IL16: variants seen among roughly 807,000 people sequenced by gnomAD.
IL16 encodes the protein interleukin 16.
Under a neutral mutation model 110.1 loss-of-function variants are expected in IL16, and 67 were observed. The observed-to-expected ratio is 0.61, with a 90% confidence interval of 0.50 to 0.75. The LOEUF (loss-of-function observed/expected upper bound fraction) is 0.75, where lower values mean the gene tolerates loss of function less well. IL16 is among the 30% of genes least tolerant of loss of function. The pLI is 0.00. For missense variants in IL16, 1,545 were observed against 1,655.0 expected, an observed-to-expected ratio of 0.93 and a Z score of 1.15; for synonymous variants, 689 against 662.9, an observed-to-expected ratio of 1.04 and a Z score of -0.61.
chr15:81,207,251 A>AC (rs1428143152), intron 1 of IL16, among the ~76,000 whole-genome samples: 1 of 151,096 alleles, frequency 6.6e-6, no homozygotes, highest in African/African-American at 2.4e-5. Context: ...AAAAACAAAA[A>AC]AAAAAAAAAA....
intron 8 of IL16, among the ~76,000 whole-genome samples, chr15:81,280,817 CTG>C (rs1468768175): frequency 6.6e-6 from 1 of 152,208 alleles, no homozygotes; most frequent in Non-Finnish European, 1.5e-5. Context: ...GCAGACAAGT[CTG>C]TGCTGGCATG....
chr15:81,274,525 A>G (rs897005924), intron 6 of IL16, among the ~76,000 whole-genome samples: 1 of 152,222 alleles, frequency 6.6e-6, no homozygotes, highest in Non-Finnish European at 1.5e-5. Context: ...AAAAGGATGG[A>G]TCATATACAA....
intron 6 of IL16, among the ~76,000 whole-genome samples, chr15:81,277,339 A>T (rs936803645): frequency 2.6e-5 from 4 of 152,250 alleles, no homozygotes; most frequent in African/African-American, 9.6e-5. Context: ...GAACTGACTT[A>T]AGGCATGATA....
chr15:81,290,409 G>C, intron 10 of IL16, 44 bp from the exon 11 acceptor site: 2 of 1,429,382 alleles, frequency 1.4e-6, no homozygotes, highest in Non-Finnish European at 1.9e-6. Context: ...GCCTGATGCA[G>C]GAGCTTCTAC....
chr15:81,243,132 T>G (rs2142107304), intron 2 of IL16, among the ~76,000 whole-genome samples: 1 of 121,530 alleles, frequency 8.2e-6, no homozygotes, highest in African/African-American at 3.0e-5. Context: ...GCTTATATAT[T>G]AGCTATATAA....
At chr15:81,240,273 C>T (rs1447499679) in intron 2 of IL16, among the ~76,000 whole-genome samples, 1 of 152,048 alleles carries the variant, frequency 6.6e-6, no homozygotes, top group Non-Finnish European at 1.5e-5. Flanking sequence ...AGATATTTCC[C>T]CTTTCCCCTC....
intron 16 of IL16, among the ~76,000 whole-genome samples, chr15:81,305,374 T>A (rs911928746): frequency 8.5e-5 from 13 of 152,072 alleles, no homozygotes; most frequent in Non-Finnish European, 1.5e-4. Flanking sequence ...TTTTAAAAAA[T>A]TTTTCTTGGC....
At chr15:81,304,847 A>T (rs1410586121) in intron 16 of IL16, among the ~76,000 whole-genome samples, 1 of 152,220 alleles carries the variant, frequency 6.6e-6, no homozygotes, top group Non-Finnish European at 1.5e-5. Flanking sequence ...AGAAGCAAAG[A>T]GCTTTGCTCC....
At chr15:81,236,292 A>C (rs1385537335) in intron 2 of IL16, among the ~76,000 whole-genome samples, 1 of 152,180 alleles carries the variant, frequency 6.6e-6, no homozygotes, top group Non-Finnish European at 1.5e-5. Flanking sequence ...TGGGAAACCC[A>C]ATCTTTTGGC....
chr15:81,240,033 T>C (rs568543538), intron 2 of IL16, among the ~76,000 whole-genome samples: 2 of 152,336 alleles, frequency 1.3e-5, no homozygotes, highest in South Asian at 4.1e-4. Flanking sequence ...GTCTCTACCA[T>C]CTTGTCCTGG....
intron 2 of IL16, among the ~76,000 whole-genome samples, chr15:81,252,117 T>A (rs1220542480): frequency 1.3e-5 from 2 of 152,190 alleles, no homozygotes; most frequent in African/African-American, 4.8e-5. Context: ...GTTCTGTAAA[T>A]CAATTCTAAA....
chr15:81,279,564 A>C lies in IL16; in HGVS notation c.871A>C (p.Lys291Gln). 2 of 1,610,560 alleles carry C rather than the reference A, an allele frequency of 1.2e-6. No homozygotes were observed. Among genetic ancestry groups the C allele is most frequent in the East Asian group, 4.5e-5 (2 of 44,846 alleles). ...QDALQKFKQA[K>Q]KGLLTLTVRT... ...CCCTCTCTCTTTCTTTCAGCAAGCC[A>C]AAAAGGGGCTCCTCACCCTCACCGT... Residue 291 changes from lysine (K) to glutamine (Q), a missense_variant, in exon 8 of 19, where the codon AAA (lysine) becomes CAA (glutamine). Physicochemically the swap from Lys to Gln is moderately conservative, Grantham distance 53. Coordinates refer to ENST00000683961, the MANE Select transcript of IL16 (RefSeq NM_172217.5).
intron 11 of IL16, 52 bp from the exon 12 acceptor site, chr15:81,292,504 T>G (rs954368457): frequency 1.2e-6 from 2 of 1,612,568 alleles, no homozygotes; most frequent in African/African-American, 1.3e-5. Flanking sequence ...CCAGGGGGTA[T>G]TTCTGTTTTC....
intron 2 of IL16, among the ~76,000 whole-genome samples, chr15:81,258,630 G>A (rs967473925): frequency 2.0e-5 from 3 of 151,736 alleles, no homozygotes; most frequent in Non-Finnish European, 2.9e-5. Context: ...AGCCCAGGAG[G>A]TCAAGGCTGC....
intron 1 of IL16, among the ~76,000 whole-genome samples, chr15:81,205,687 C>T (rs993893911): frequency 9.2e-5 from 14 of 152,032 alleles, no homozygotes; most frequent in Admixed American, 5.9e-4. Flanking sequence ...AAAAGAGACT[C>T]TCAGATTCAG....
chr15:81,299,020 G>A (rs1462532383), intron 13 of IL16, among the ~76,000 whole-genome samples: 2 of 152,238 alleles, frequency 1.3e-5, no homozygotes, highest in African/African-American at 4.8e-5. Flanking sequence ...GCAGTAGAAA[G>A]GACATGAACT....
chr15:81,232,811 C>CT (rs1371264931), intron 2 of IL16, among the ~76,000 whole-genome samples: 5 of 152,146 alleles, frequency 3.3e-5, no homozygotes, highest in Admixed American at 1.3e-4. Context: ...GAGAGATAAC[C>CT]TAAAACTTTC....
chr15:81,285,640 A>C, intron 9 of IL16, 58 bp from the exon 10 acceptor site: 1 of 1,591,836 alleles, frequency 6.3e-7, no homozygotes, highest in Non-Finnish European at 8.6e-7. Context: ...TGGGGCAGTG[A>C]CTGTTCAAAT....
chr15:81,188,287 G>A (rs925127112), intron 1 of IL16: 2 of 455,776 alleles, frequency 4.4e-6, no homozygotes, highest in Non-Finnish European at 8.8e-6. Context: ...GAGGTGGAGA[G>A]GGGGAGGGTA....
Sources: allele counts gnomAD v4.1 joint callset (sites outside exome capture counted in the v4.1 genomes callset), GRCh38; gene constraint gnomAD v4.1.1; transcripts MANE v1.5; gene names NCBI Gene and HGNC (gene_info 2026-07-23, HGNC 2026-07-21).